NXPE2: variants seen among roughly 807,000 people sequenced by gnomAD.
The protein encoded by NXPE2 is NXPE family member 2.
Under a neutral mutation model 34.4 loss-of-function variants are expected in NXPE2, and 34 were observed. The ratio of observed to expected loss-of-function variants is 0.99; its 90% CI spans 0.75 to 1.31. The LOEUF (loss-of-function observed/expected upper bound fraction) is 1.31, where lower values mean the gene tolerates loss of function less well. Ranked by LOEUF, NXPE2 falls within the 40% of genes most tolerant of loss-of-function variation. The pLI is 0.00. For synonymous variants in NXPE2, 235 were observed against 231.3 expected (o/e 1.02, Z -0.15); for missense variants, 649 against 672.5 (o/e 0.97, Z 0.39).
chr11:114,478,486 T>C, the NXPE2 span, among the ~76,000 whole-genome samples: 1 of 152,164 alleles, frequency 6.6e-6, no homozygotes, highest in Non-Finnish European at 1.5e-5. Context: ...TCCCTTTCCC[T>C]TTTTACACCA....
At chr11:114,694,394 C>T (rs1358354105) in intron 2 of NXPE2, among the ~76,000 whole-genome samples, 1 of 152,122 alleles carries the variant, frequency 6.6e-6, no homozygotes, top group African/African-American at 2.4e-5. Context: ...TGATTTTTAG[C>T]AATTTGAAAG....
the NXPE2 span, among the ~76,000 whole-genome samples, chr11:114,766,730 C>T: frequency 1.3e-5 from 2 of 152,088 alleles, no homozygotes; most frequent in African/African-American, 4.8e-5. Context: ...CTGAAGTTTT[C>T]CTCATCTCAC....
At chr11:114,798,332 T>A in the NXPE2 span, among the ~76,000 whole-genome samples, 1 of 152,088 alleles carries the variant, frequency 6.6e-6, no homozygotes, top group Non-Finnish European at 1.5e-5. Flanking sequence ...TGCCCTGTAA[T>A]CTTCATCTCT....
chr11:114,793,873 A>C, the NXPE2 span, among the ~76,000 whole-genome samples: 1 of 152,140 alleles, frequency 6.6e-6, no homozygotes, highest in Non-Finnish European at 1.5e-5. Flanking sequence ...ATTTCTCTGC[A>C]GGGCACCTAT....
chr11:114,592,735 A>G, the NXPE2 span, among the ~76,000 whole-genome samples: 1 of 152,306 alleles, frequency 6.6e-6, no homozygotes, highest in East Asian at 1.9e-4. Flanking sequence ...AATTCTGAGC[A>G]AAAAGAACAA....
chr11:114,605,476 A>G, the NXPE2 span, among the ~76,000 whole-genome samples: 1 of 151,720 alleles, frequency 6.6e-6, no homozygotes, highest in Admixed American at 6.6e-5. Context: ...TTTGGTAACC[A>G]CAGTTACCCG....
chr11:114,713,223 C>T, the NXPE2 span, among the ~76,000 whole-genome samples: 5 of 151,958 alleles, frequency 3.3e-5, no homozygotes, highest in East Asian at 1.9e-4. Flanking sequence ...TTAACACTAC[C>T]GTACTGTACA....
At chr11:114,809,724 A>C in the NXPE2 span, among the ~76,000 whole-genome samples, 1 of 142,264 alleles carries the variant, frequency 7.0e-6, no homozygotes, top group South Asian at 2.5e-4. Flanking sequence ...TTCCATGCTC[A>C]TGGGTAGGAA....
At chr11:114,560,832 T>C in the NXPE2 span, among the ~76,000 whole-genome samples, 58,841 of 152,042 alleles carry the variant, frequency 0.39, 11,777 homozygotes, top group East Asian at 0.66. Context: ...ACTGTCTCCA[T>C]GGTTTTGACT....
the NXPE2 span, chr11:114,529,488 G>A: frequency 6.6e-6 from 1 of 152,364 alleles, no homozygotes. Flanking sequence ...GGGGAGAAAA[G>A]CATGGCATTG....
chr11:114,650,101 G>C, the NXPE2 span, among the ~76,000 whole-genome samples: 1 of 152,096 alleles, frequency 6.6e-6, no homozygotes, highest in Non-Finnish European at 1.5e-5. Flanking sequence ...ATATACAAAA[G>C]TGTAACTTTC....
the NXPE2 span, among the ~76,000 whole-genome samples, chr11:114,493,251 T>C: frequency 6.6e-6 from 1 of 152,194 alleles, no homozygotes; most frequent in South Asian, 2.1e-4. Context: ...ATTTTGTCTT[T>C]TTGTTTTTAT....
In NXPE2 at chr11:114,705,443, T is replaced by A. The variant is rs562916641; in HGVS notation, c.929-338T>A. 3.2e-4 allele frequency among the ~76,000 whole-genome samples: 49 copies of A among 152,340 alleles called. 2 individuals carry two copies. The South Asian group carries it at 1.0e-2, about 31-fold the overall frequency. Reference sequence around the variant, plus strand: ...TTGGTGTAATATTTGGCAGGGCCACTGTGCCCTGCTATTTCACGGCCACAC... The same window carrying A: ...TTGGTGTAATATTTGGCAGGGCCACAGTGCCCTGCTATTTCACGGCCACAC... On this transcript the variant is annotated intron_variant, in intron 4 of 5. Transcript: ENST00000389586.
At chr11:114,653,472 G>A in the NXPE2 span, among the ~76,000 whole-genome samples, 1 of 151,194 alleles carries the variant, frequency 6.6e-6, no homozygotes, top group African/African-American at 2.4e-5. Context: ...TTAACCCTTG[G>A]GTGCTTGTAC....
chr11:114,575,729 T>C, the NXPE2 span, among the ~76,000 whole-genome samples: 1 of 152,190 alleles, frequency 6.6e-6, no homozygotes, highest in Non-Finnish European at 1.5e-5. Context: ...ACACATCACA[T>C]GCTCATGGAT....
the NXPE2 span, among the ~76,000 whole-genome samples, chr11:114,799,052 A>C: frequency 6.6e-6 from 1 of 152,262 alleles, no homozygotes; most frequent in Non-Finnish European, 1.5e-5. Context: ...AATGTGGCTT[A>C]TGAAAGCAAG....
chr11:114,588,758 G>A, the NXPE2 span, among the ~76,000 whole-genome samples: 252 of 152,248 alleles, frequency 1.7e-3, 1 homozygote, highest in African/African-American at 5.7e-3. Context: ...CAAAATCCAG[G>A]TAAGAATCCC....
chr11:114,717,963 T>TA, the NXPE2 span, among the ~76,000 whole-genome samples: 1 of 152,226 alleles, frequency 6.6e-6, no homozygotes, highest in Non-Finnish European at 1.5e-5. Flanking sequence ...TGAGCATGTC[T>TA]ATCACGGGAG....
intron 2 of NXPE2, among the ~76,000 whole-genome samples, chr11:114,681,844 G>A (rs190844094): frequency 7.2e-5 from 11 of 152,052 alleles, no homozygotes; most frequent in Non-Finnish European, 1.0e-4. Flanking sequence ...AGCTACACAC[G>A]TCATTTTTGG....
Sources: allele counts gnomAD v4.1 joint callset (sites outside exome capture counted in the v4.1 genomes callset), GRCh38; gene constraint gnomAD v4.1.1; transcripts MANE v1.5; gene names NCBI Gene and HGNC (gene_info 2026-07-23, HGNC 2026-07-21).